The following MIB1 variants were observed in gnomAD, a reference collection of about 807,000 sequenced individuals.
MIB1 encodes the protein MIB E3 ubiquitin protein ligase 1.
MIB1 carries 278 observed loss-of-function variants against 124.5 expected under a neutral mutation model. The ratio of observed to expected loss-of-function variants is 2.23; its 90% confidence interval spans 2.02 to 2.47. MIB1 has a LOEUF of 2.47. Among genes scored for constraint, MIB1 ranks in the 30% most tolerant of loss-of-function variants. The probability of loss-of-function intolerance (pLI) is 0.00; values close to 1 mark genes in which losing one functional copy is unlikely to be tolerated. For missense variants in MIB1, 957 were observed against 1,254.4 expected, an observed-to-expected ratio of 0.76 and a Z score of 3.58; for synonymous variants, 446 against 429.4, an observed-to-expected ratio of 1.04 and a Z score of -0.48.
chr18:21,844,071 T>C (rs745524294), intron 14 of MIB1, 21 bp from the exon 15 acceptor site: 30 of 1,611,798 alleles, frequency 1.9e-5, no homozygotes, highest in Non-Finnish European at 2.4e-5. Flanking sequence ...TTTGCCAAAA[T>C]GAGACATCTT....
intron 10 of MIB1, 53 bp downstream of exon 10, chr18:21,804,067 A>T: frequency 4.9e-6 from 6 of 1,221,928 alleles, no homozygotes; most frequent in Non-Finnish European, 7.2e-6. Context: ...TAGAAATAAT[A>T]CTTCTATATC....
At chr18:21,828,083 A>G (rs2041943315) in intron 12 of MIB1, 1 of 151,966 alleles carries the variant, frequency 6.6e-6, no homozygotes, top group African/African-American at 2.4e-5. Context: ...AAGTATTTTG[A>G]TATTTCTAAA....
At chr18:21,810,921 C>T (rs2041766338) in intron 10 of MIB1, among the ~76,000 whole-genome samples, 1 of 151,936 alleles carries the variant, frequency 6.6e-6, no homozygotes, top group African/African-American at 2.4e-5. Context: ...TATCAAAGGA[C>T]ATTTGTCAAC....
chr18:21,857,007 A>G, intron 18 of MIB1, 123 bp from the exon 19 acceptor site: 1 of 671,456 alleles, frequency 1.5e-6, no homozygotes, highest in Non-Finnish European at 2.7e-6. Context: ...AGAATTGCAT[A>G]TTGCTATAAC....
chr18:21,727,467 G>A (rs2040747563), intron 1 of MIB1, among the ~76,000 whole-genome samples: 2 of 152,194 alleles, frequency 1.3e-5, no homozygotes, highest in African/African-American at 4.8e-5. Context: ...CACTGGCTGG[G>A]TGTGGTGGCT....
chr18:21,750,517 C>T (rs550473455), intron 1 of MIB1, among the ~76,000 whole-genome samples: 73 of 152,188 alleles, frequency 4.8e-4, no homozygotes, highest in Non-Finnish European at 8.8e-4. Context: ...TTAGTAGAGA[C>T]GGGGTTTCAC....
intron 4 of MIB1, among the ~76,000 whole-genome samples, chr18:21,775,103 G>A (rs1598604342): frequency 1.3e-5 from 2 of 151,742 alleles, no homozygotes; most frequent in Admixed American, 6.6e-5. Flanking sequence ...CCACCACCAC[G>A]CCCGGCTCAT....
At chr18:21,775,990 G>A (rs1389987960) in intron 4 of MIB1, among the ~76,000 whole-genome samples, 2 of 152,062 alleles carry the variant, frequency 1.3e-5, no homozygotes, top group African/African-American at 2.4e-5. Context: ...TTGACAGCTG[G>A]GAGGGGTGGC....
Position 21,868,911 on chromosome 18 carries a change from G to A in MIB1, c.*4245G>A, listed in dbSNP as rs2042338441. On this transcript the variant is annotated 3_prime_UTR_variant, in exon 21 of 21. Coordinates refer to ENST00000261537, the MANE Select transcript of MIB1 (RefSeq NM_020774.4). ...CTGGTTAGTAGTATGTGAAACTCTGGTATAAAAACGTAAACTAGACAGTAG... is the reference window on the plus strand; with the variant it reads ...CTGGTTAGTAGTATGTGAAACTCTGATATAAAAACGTAAACTAGACAGTAG... The A allele has an allele frequency of 6.6e-6, 1 of 152,298 alleles. No individual in the cohort carries two copies. The highest frequency in any genetic ancestry group is 2.4e-5 in the African/African-American group (1 of 41,384). 9.4% of individuals were successfully genotyped at this position (152,298 alleles called of 1,614,324 possible).
rs140127463 is a variant in MIB1, at chr18:21,863,091, C to T, written c.2881-1435C>T. ...TCATACTTGCGACAGAGGTGCGCTGCTTACTTGGCCACTGTGCTCAACTGT... is the reference window on the plus strand; with the variant it reads ...TCATACTTGCGACAGAGGTGCGCTGTTTACTTGGCCACTGTGCTCAACTGT... On this transcript the variant is annotated intron_variant, in intron 20 of 20. Coordinates refer to ENST00000261537, the MANE Select transcript of MIB1 (RefSeq NM_020774.4). Among the ~76,000 whole-genome samples the T allele has an allele frequency of 7.2e-5, 11 of 152,320 alleles. No homozygotes were observed. The East Asian group carries it at 1.7e-3, about 24-fold the overall frequency.
Position 21,815,833 on chromosome 18 carries a change from A to T in MIB1, c.1677+20A>T, listed in dbSNP as rs371271392. 3 of 1,605,140 alleles carry T rather than the reference A, an allele frequency of 1.9e-6. No homozygotes were observed. In the African/African-American group the frequency reaches 4.0e-5, roughly 21 times the overall value. On this transcript the variant is annotated intron_variant, in intron 11 of 20. Coordinates refer to ENST00000261537, the MANE Select transcript of MIB1 (RefSeq NM_020774.4). ...CTCCAGGTAAAACCTTTAAAGAAAC[A>T]CATCCTGCAGGTATTGCTAGGATCC...
At chr18:21,811,064 T>G (rs2041768000) in intron 10 of MIB1, among the ~76,000 whole-genome samples, 2 of 152,104 alleles carry the variant, frequency 1.3e-5, no homozygotes. Flanking sequence ...CCTTTTGACT[T>G]GAATAAACAT....
intron 9 of MIB1, among the ~76,000 whole-genome samples, chr18:21,800,759 A>G (rs569061273): frequency 6.6e-6 from 1 of 152,084 alleles, no homozygotes; most frequent in Admixed American, 6.6e-5. Flanking sequence ...TAAAGTATTA[A>G]TGTCTTATTT....
Position 21,781,403 on chromosome 18 carries a change from ATATATATAT to A in MIB1, c.908+1719_908+1727del, listed in dbSNP as rs1568199073. ...TATATATATATATATATATATATAT[ATATATATAT>A]ATAAAATTATTATTATTATTTTTTG... On this transcript the variant is annotated intron_variant, in intron 6 of 20. Coordinates refer to ENST00000261537, the MANE Select transcript of MIB1 (RefSeq NM_020774.4). 4.5e-3 allele frequency among the ~76,000 whole-genome samples: 349 copies of A among 76,732 alleles called. 5 individuals carry two copies. The highest frequency in any genetic ancestry group is 0.019 in the African/African-American group (302 of 16,170). 50.3% of individuals were successfully genotyped at this position (76,732 alleles called of 152,430 possible). A position where few individuals can be genotyped will look rare whatever the true frequency, so the allele number is the denominator to read the frequency against.
intron 11 of MIB1, among the ~76,000 whole-genome samples, chr18:21,818,153 C>T (rs1017539825): frequency 1.3e-5 from 2 of 152,200 alleles, no homozygotes; most frequent in African/African-American, 4.8e-5. Context: ...ATGTTTCTCA[C>T]CTGTGACTGC....
chr18:21,753,880 G>A (rs1429052336), intron 1 of MIB1, among the ~76,000 whole-genome samples: 1 of 152,104 alleles, frequency 6.6e-6, no homozygotes, highest in Non-Finnish European at 1.5e-5. Flanking sequence ...ATTCCACCAT[G>A]TTGACCAGGC....
At chr18:21,808,118 A>G (rs1055573644) in intron 10 of MIB1, among the ~76,000 whole-genome samples, 4 of 152,232 alleles carry the variant, frequency 2.6e-5, no homozygotes, top group African/African-American at 9.6e-5. Context: ...ACACCTAAAA[A>G]TGGTAATAAT....
intron 1 of MIB1, among the ~76,000 whole-genome samples, chr18:21,762,865 T>G (rs996752609): frequency 6.6e-6 from 1 of 152,168 alleles, no homozygotes; most frequent in Non-Finnish European, 1.5e-5. Flanking sequence ...AATTTAAACT[T>G]TTATTAAGCT....
intron 1 of MIB1, among the ~76,000 whole-genome samples, chr18:21,708,014 C>T (rs1031130860): frequency 6.6e-6 from 1 of 152,144 alleles, no homozygotes; most frequent in Non-Finnish European, 1.5e-5. Flanking sequence ...CTTTTAGAGG[C>T]ACCAATTCCA....
Sources: gnomAD v4.1 joint callset for allele counts (sites outside exome capture counted in the v4.1 genomes callset) on GRCh38, gnomAD v4.1.1 for gene constraint, MANE v1.5 for transcripts, NCBI Gene and HGNC (gene_info 2026-07-23, HGNC 2026-07-21) for gene names.